The following ANGPT2 variants were observed in gnomAD, a reference collection of about 807,000 sequenced individuals.
ANGPT2 encodes angiopoietin 2.
Under a neutral mutation model 62.9 loss-of-function variants are expected in ANGPT2, and 28 were observed. The ratio of observed to expected loss-of-function variants is 0.44; its 90% CI spans 0.33 to 0.61. The LOEUF (loss-of-function observed/expected upper bound fraction) is 0.61. Ranked by LOEUF, ANGPT2 falls within the 20% of genes least tolerant of loss-of-function variation. The pLI is 0.03. For missense variants in ANGPT2, 727 were observed against 594.9 expected, an observed-to-expected ratio of 1.22 and a Z score of -2.31; for synonymous variants, 284 against 207.8, an observed-to-expected ratio of 1.37 and a Z score of -3.15.
intron 1 of ANGPT2, among the ~76,000 whole-genome samples, chr8:6,557,715 A>ACACT (rs56142423): frequency 1.3e-5 from 2 of 151,524 alleles, no homozygotes; most frequent in East Asian, 3.9e-4. Flanking sequence ...ACACACACAC[A>ACACT]TACATATATA....
rs1162488477 is a variant in ANGPT2, at chr8:6,562,749, G to C, written c.186C>G (p.Ser62=). 6.2e-7 allele frequency: 1 copy of C among 1,613,718 alleles called. No individual in the cohort carries two copies. Among genetic ancestry groups the C allele is most frequent in the Non-Finnish European group, 8.5e-7 (1 of 1,179,946 alleles). Residue 62 remains serine (S), a synonymous_variant, in exon 1 of 9, where the codon TCC becomes TCG. Transcript: ENST00000629816. ...NCRSSSSPYV[S]NAVQRDAPLE... ...GCGGCGCGTCCCTCTGCACAGCATT[G>C]GACACGTAGGGGCTGGAGGAAGAGC... is the stretch of plus-strand genomic sequence containing the variant.
chr8:6,525,929 G>C (rs17077327), intron 3 of ANGPT2, among the ~76,000 whole-genome samples: 1,762 of 152,220 alleles, frequency 0.012, 39 homozygotes, highest in African/African-American at 0.04. Flanking sequence ...GGTAGTTTTA[G>C]CATTGTAGCA....
chr8:6,532,472 G>C lies in ANGPT2; in HGVS notation c.304C>G (p.Gln102Glu). The C allele has an allele frequency of 1.2e-6, 2 of 1,611,926 alleles. No homozygotes were observed. The highest frequency in any genetic ancestry group is 2.7e-5 in the African/African-American group (2 of 74,696). Residue 102 changes from glutamine to glutamate, a missense_variant, in exon 2 of 9, where the codon CAG becomes GAG. Physicochemically the swap from Gln to Glu is conservative, Grantham distance 29 (BLOSUM62 2). Coordinates refer to ENST00000629816, the MANE Select transcript of ANGPT2 (RefSeq NM_001118887.2). Reference sequence around the variant, plus strand: ...ACCATTTCTTTCTTCATGTTGTCCTGGATATAATTCTCAAGCTAGAAAAGA... The same window carrying C: ...ACCATTTCTTTCTTCATGTTGTCCTCGATATAATTCTCAAGCTAGAAAAGA... ...QWLMKLENYI[Q>E]DNMKKEMVEI... is the part of the protein sequence containing the mutation.
chr8:6,551,540 G>C (rs866104612), intron 1 of ANGPT2, among the ~76,000 whole-genome samples: 14 of 152,140 alleles, frequency 9.2e-5, no homozygotes, highest in Non-Finnish European at 1.3e-4. Flanking sequence ...TGAGGGGCTG[G>C]TGTTCTGATT....
intron 3 of ANGPT2, among the ~76,000 whole-genome samples, chr8:6,527,146 A>G (rs1818485660): frequency 6.6e-6 from 1 of 152,222 alleles, no homozygotes; most frequent in Non-Finnish European, 1.5e-5. Context: ...TTCACTCCAC[A>G]GCACTAGCTG....
At chr8:6,509,578 T>C (rs1053040417) in intron 7 of ANGPT2, among the ~76,000 whole-genome samples, 2 of 152,040 alleles carry the variant, frequency 1.3e-5, no homozygotes, top group Non-Finnish European at 2.9e-5. Flanking sequence ...TTTCCTCATG[T>C]CTGTATAGTA....
intron 2 of ANGPT2, among the ~76,000 whole-genome samples, chr8:6,529,623 A>ATTTT (rs35322987): frequency 1.7e-5 from 2 of 120,970 alleles, no homozygotes; most frequent in African/African-American, 6.2e-5. Flanking sequence ...CGCCTGGCTA[A>ATTTT]TTTTTTTTTT....
chr8:6,500,008 A>T lies in ANGPT2; in HGVS notation c.*3093T>A. The T allele has an allele frequency of 2.4e-6, 3 of 1,251,746 alleles. No homozygotes were observed. The highest frequency in any genetic ancestry group is 3.5e-6 in the Non-Finnish European group (3 of 852,182). 77.5% of individuals were successfully genotyped at this position (1,251,746 alleles called of 1,614,324 possible). Reference sequence around the variant, plus strand: ...TTATTATAAACATAAGGGTGGACTTAAGTTTTTATCCAGTCAAGCACAATT... The same window carrying T: ...TTATTATAAACATAAGGGTGGACTTTAGTTTTTATCCAGTCAAGCACAATT... On this transcript the variant is annotated 3_prime_UTR_variant, in exon 9 of 9. Transcript: ENST00000629816.
At position 6,502,998 on chromosome 8, in the gene ANGPT2, C is replaced by G; in HGVS notation, c.*103G>C. 1 of 1,402,196 alleles carries G rather than the reference C, an allele frequency of 7.1e-7. No homozygotes were observed. The allele number at this position is 1,402,196 out of a possible 1,614,324, so 86.9% of individuals were successfully genotyped here. A position where few individuals can be genotyped will look rare whatever the true frequency, so the allele number is the denominator to read the frequency against. ...GTCCCGTCAGCACCGAGCACACGCC[C>G]TCTGTGGTGGAAGAGGACACAGTGC... On this transcript the variant is annotated 3_prime_UTR_variant, in exon 9 of 9. Coordinates refer to ENST00000629816, the MANE Select transcript of ANGPT2 (RefSeq NM_001118887.2).
Position 6,500,249 on chromosome 8 carries a change from A to G in ANGPT2, c.*2852T>C. ...GTCTTATATCTTGCTTAATGTTTTT[A>G]CTGTTAATAGAAATAGAACTGATAG... On this transcript the variant is annotated 3_prime_UTR_variant, in exon 9 of 9. Transcript: ENST00000629816. 2.8e-6 allele frequency: 1 copy of G among 355,576 alleles called. No homozygotes were observed. The highest frequency in any genetic ancestry group is 5.3e-6 in the Non-Finnish European group (1 of 187,248). The allele number at this position is 355,576 out of a possible 1,614,324, so 22.0% of individuals were successfully genotyped here. A position where few individuals can be genotyped will look rare whatever the true frequency, so the allele number is the denominator to read the frequency against.
At chr8:6,554,382 A>G (rs1463282351) in intron 1 of ANGPT2, among the ~76,000 whole-genome samples, 1 of 152,060 alleles carries the variant, frequency 6.6e-6, no homozygotes, top group African/African-American at 2.4e-5. Context: ...CCAAAAGCCA[A>G]TTATGATTAT....
chr8:6,556,718 A>G (rs145176965), intron 1 of ANGPT2, among the ~76,000 whole-genome samples: 1,684 of 152,092 alleles, frequency 0.011, 28 homozygotes, highest in African/African-American at 0.039. Context: ...GGCTCAGGCA[A>G]TCCTCCCACC....
chr8:6,518,184 C>G (rs1313786648), intron 5 of ANGPT2, among the ~76,000 whole-genome samples: 3 of 152,302 alleles, frequency 2.0e-5, no homozygotes, highest in East Asian at 3.9e-4. Context: ...GGCTGTCCCT[C>G]TGCATCGGTG....
intron 7 of ANGPT2, among the ~76,000 whole-genome samples, chr8:6,513,169 C>A (rs891936773): frequency 6.6e-6 from 1 of 152,142 alleles, no homozygotes; most frequent in African/African-American, 2.4e-5. Flanking sequence ...GGACAAAATA[C>A]TGTTTGTATG....
chr8:6,547,270 A>G (rs575662940), intron 1 of ANGPT2, among the ~76,000 whole-genome samples: 32 of 152,212 alleles, frequency 2.1e-4, no homozygotes, highest in Non-Finnish European at 3.2e-4. Flanking sequence ...TTTCAGTGTG[A>G]TTCTCCAAAT....
rs373047959 is a variant in ANGPT2, at chr8:6,562,943, C to T, written c.-9G>A. 3 of 1,574,822 alleles carry T rather than the reference C, an allele frequency of 1.9e-6. No homozygotes were observed. The highest frequency in any genetic ancestry group is 2.3e-5 in the South Asian group (2 of 86,686). The stretch of plus-strand genomic sequence containing the variant: ...AAAACAATCTGCCACATTCTTTCTT[C>T]AGTAATAAACCAGCAGCTTAGCAAA... On this transcript the variant is annotated 5_prime_UTR_variant, in exon 1 of 9. Transcript: ENST00000629816.
chr8:6,512,587 C>G (rs1447461509), intron 7 of ANGPT2, among the ~76,000 whole-genome samples: 1 of 152,198 alleles, frequency 6.6e-6, no homozygotes, highest in East Asian at 1.9e-4. Context: ...CACAGTCTCA[C>G]TTCTCTGCCC....
Position 6,562,984 on chromosome 8 carries a change from A to G in ANGPT2, c.-50T>C, listed in dbSNP as rs768962823. The G allele has an allele frequency of 2.0e-6, 3 of 1,536,162 alleles. No individual in the cohort carries two copies. Among genetic ancestry groups the G allele is most frequent in the Non-Finnish European group, 2.6e-6 (3 of 1,134,152 alleles). On this transcript the variant is annotated 5_prime_UTR_variant, in exon 1 of 9. Coordinates refer to ENST00000629816, the MANE Select transcript of ANGPT2 (RefSeq NM_001118887.2). ...GCTTAGCAAACTTGAGGGCAAACAC[A>G]CGTCCAGAGTCCCGAGCTGCTGCCG...
Position 6,521,236 on chromosome 8 carries a change from C to T in ANGPT2, c.741G>A (p.Gln247=), listed in dbSNP as rs1296892808. The T allele has an allele frequency of 5.0e-6, 8 of 1,613,790 alleles. No homozygotes were observed. Among genetic ancestry groups the T allele is most frequent in the Admixed American group, 1.7e-5 (1 of 60,002 alleles). Residue 247 remains glutamine, a synonymous_variant, in exon 4 of 9, where the codon CAG becomes CAA. Transcript: ENST00000629816. ...TAACTGTCTCCATGAGATCATGTTG[C>T]TGCTTCTGAAGAACTGAATTATTCA... ...ATVNNSVLQK[Q]QHDLMETVNN... is the part of the protein sequence containing the mutation.
Sources: allele counts gnomAD v4.1 joint callset (sites outside exome capture counted in the v4.1 genomes callset), GRCh38; gene constraint gnomAD v4.1.1; transcripts MANE v1.5; gene names NCBI Gene and HGNC (gene_info 2026-07-23, HGNC 2026-07-21).